Variants in NXPH1 observed in about 807,000 individuals in gnomAD.
NXPH1 encodes the protein neurexophilin-1.
A neutral mutation model predicts 23.7 loss-of-function variants in NXPH1; 5 were observed. The observed-to-expected ratio is 0.21, with a 90% confidence interval of 0.11 to 0.44. NXPH1 has a LOEUF of 0.44. Among genes scored for constraint, NXPH1 ranks in the 20% least tolerant of loss-of-function variants. NXPH1 has a pLI of 0.99. For synonymous variants in NXPH1, 144 were observed against 122.2 expected, an observed-to-expected ratio of 1.18 and a Z score of -1.18; for missense variants, 324 against 321.6, an observed-to-expected ratio of 1.01 and a Z score of -0.06.
intron 2 of NXPH1, among the ~76,000 whole-genome samples, chr7:8,437,851 G>C (rs900405066): frequency 1.3e-5 from 2 of 152,226 alleles, no homozygotes; most frequent in African/African-American, 4.8e-5. Context: ...GCAATACAGA[G>C]AAAGGAGACA....
chr7:8,665,505 T>C (rs1315285667), intron 2 of NXPH1, among the ~76,000 whole-genome samples: 1 of 152,078 alleles, frequency 6.6e-6, no homozygotes, highest in Non-Finnish European at 1.5e-5. Context: ...TGGGGTCTAT[T>C]TGTGGTTCCA....
chr7:8,445,495 C>G (rs561564130), intron 2 of NXPH1, among the ~76,000 whole-genome samples: 2 of 152,152 alleles, frequency 1.3e-5, no homozygotes, highest in African/African-American at 4.8e-5. Context: ...CATAGTGTAA[C>G]GGGGCCTTCT....
chr7:8,694,095 C>T (rs1237250741), intron 2 of NXPH1, among the ~76,000 whole-genome samples: 1 of 152,172 alleles, frequency 6.6e-6, no homozygotes, highest in African/African-American at 2.4e-5. Flanking sequence ...CACTGGCAAG[C>T]CCTGATTGAT....
At chr7:8,663,248 C>G (rs1037381128) in intron 2 of NXPH1, among the ~76,000 whole-genome samples, 2 of 152,090 alleles carry the variant, frequency 1.3e-5, no homozygotes, top group African/African-American at 4.8e-5. Flanking sequence ...TCGTTGAATT[C>G]TGGCTAATTC....
intron 2 of NXPH1, among the ~76,000 whole-genome samples, chr7:8,646,937 G>A (rs1402704419): frequency 2.0e-5 from 3 of 151,916 alleles, no homozygotes; most frequent in African/African-American, 7.3e-5. Flanking sequence ...GGAGCTGGGA[G>A]GGGTACATGG....
chr7:8,641,524 T>C (rs548430651), intron 2 of NXPH1, among the ~76,000 whole-genome samples: 207 of 152,278 alleles, frequency 1.4e-3, no homozygotes, highest in African/African-American at 4.8e-3. Flanking sequence ...CCACTCCAAT[T>C]CCCACCCCCA....
chr7:8,710,342 T>A (rs1779767464), intron 2 of NXPH1, among the ~76,000 whole-genome samples: 1 of 152,222 alleles, frequency 6.6e-6, no homozygotes, highest in Non-Finnish European at 1.5e-5. Flanking sequence ...ATGGGCCTCC[T>A]TGCCTATCTG....
rs557186307 is a variant in NXPH1, at chr7:8,504,688, T to C, written c.54+68921T>C. Among the ~76,000 whole-genome samples, 3 of 152,080 alleles carry C rather than the reference T, an allele frequency of 2.0e-5. No homozygotes were observed. In the South Asian group the frequency reaches 6.2e-4, roughly 32 times the overall value. Reference sequence around the variant, plus strand: ...TTGCAATCCTAACCCCCTAAAGTGATGATGTTAGGATTTGGGGTATTTGGG... The same window carrying C: ...TTGCAATCCTAACCCCCTAAAGTGACGATGTTAGGATTTGGGGTATTTGGG... On this transcript the variant is annotated intron_variant, in intron 2 of 2. Transcript: ENST00000405863.
At chr7:8,576,161 C>G (rs1403578791) in intron 2 of NXPH1, among the ~76,000 whole-genome samples, 1 of 152,146 alleles carries the variant, frequency 6.6e-6, no homozygotes, top group Non-Finnish European at 1.5e-5. Flanking sequence ...GTATATCAAA[C>G]TCTTCCATGG....
rs527504607 is a variant in NXPH1 at position 8,569,423 on chromosome 7, G to T, written c.54+133656G>T. 1.3e-4 allele frequency among the ~76,000 whole-genome samples: 19 copies of T among 151,934 alleles called. No homozygotes were observed. In the East Asian group the frequency reaches 3.7e-3, roughly 30 times the overall value. On this transcript the variant is annotated intron_variant, in intron 2 of 2. Transcript: ENST00000405863. ...GACAAGTATTAGATTTCATTTAGAGGTATTAATTTTGTTAAGTGTGATAAT... is the reference window on the plus strand; with the variant it reads ...GACAAGTATTAGATTTCATTTAGAGTTATTAATTTTGTTAAGTGTGATAAT...
intron 2 of NXPH1, among the ~76,000 whole-genome samples, chr7:8,533,299 G>A (rs895315145): frequency 2.0e-5 from 3 of 152,004 alleles, no homozygotes; most frequent in African/African-American, 7.2e-5. Flanking sequence ...TGGTTAATCT[G>A]TTGTTCTTTT....
At chr7:8,637,074 G>A (rs368153848) in intron 2 of NXPH1, among the ~76,000 whole-genome samples, 4 of 152,262 alleles carry the variant, frequency 2.6e-5, no homozygotes, top group East Asian at 3.9e-4. Flanking sequence ...TTCTTCCTGG[G>A]AGCAGAATCA....
chr7:8,500,684 A>T (rs527428368), intron 2 of NXPH1, among the ~76,000 whole-genome samples: 3 of 152,224 alleles, frequency 2.0e-5, no homozygotes, highest in Admixed American at 2.0e-4. Context: ...TTTCTTAACT[A>T]GCTTTATGGC....
chr7:8,461,487 C>T (rs999568674), intron 2 of NXPH1, among the ~76,000 whole-genome samples: 2 of 152,168 alleles, frequency 1.3e-5, no homozygotes, highest in African/African-American at 4.8e-5. Flanking sequence ...TTATCTAGGT[C>T]ACTGTATTTT....
intron 2 of NXPH1, among the ~76,000 whole-genome samples, chr7:8,441,835 C>T (rs1039500593): frequency 6.6e-6 from 1 of 150,414 alleles, no homozygotes; most frequent in Non-Finnish European, 1.5e-5. Context: ...GAGCGCGCTG[C>T]GTTTCTGCTA....
At chr7:8,468,837 A>T (rs928940179) in intron 2 of NXPH1, among the ~76,000 whole-genome samples, 2 of 152,102 alleles carry the variant, frequency 1.3e-5, no homozygotes, top group African/African-American at 4.8e-5. Flanking sequence ...AGTGTAAAAA[A>T]TTACCCAAGA....
chr7:8,493,182 T>C (rs1345261314), intron 2 of NXPH1, among the ~76,000 whole-genome samples: 2 of 151,974 alleles, frequency 1.3e-5, no homozygotes, highest in Non-Finnish European at 2.9e-5. Flanking sequence ...GGTTATATTA[T>C]GGGATTTTCT....
At chr7:8,737,039 A>G (rs375690862) in intron 2 of NXPH1, among the ~76,000 whole-genome samples, 4 of 151,832 alleles carry the variant, frequency 2.6e-5, no homozygotes, top group African/African-American at 9.7e-5. Flanking sequence ...TGCATGTCAG[A>G]TGGGTCTCCT....
intron 2 of NXPH1, among the ~76,000 whole-genome samples, chr7:8,581,918 C>T (rs982719958): frequency 6.6e-6 from 1 of 152,150 alleles, no homozygotes; most frequent in Non-Finnish European, 1.5e-5. Flanking sequence ...TCTTCTGCCC[C>T]TGCTGCCTCT....
Sources: gnomAD v4.1 joint callset for allele counts (sites outside exome capture counted in the v4.1 genomes callset) on GRCh38, gnomAD v4.1.1 for gene constraint, MANE v1.5 for transcripts, NCBI Gene and HGNC (gene_info 2026-07-23, HGNC 2026-07-21) for gene names.